SDCBP2: variants seen among roughly 807,000 people sequenced by gnomAD.
SDCBP2 encodes syndecan binding protein 2, also known as syntenin-2.
A neutral mutation model predicts 30.7 loss-of-function variants in SDCBP2; 28 were observed. The observed-to-expected ratio is 0.91, with a 90% CI of 0.68 to 1.25. The LOEUF is 1.25. Among genes scored for constraint, SDCBP2 ranks in the 50% most tolerant of loss-of-function variants. The probability of loss-of-function intolerance (pLI) is 0.00; values close to 1 mark genes in which losing one functional copy is unlikely to be tolerated. For synonymous variants in SDCBP2, 166 were observed against 157.3 expected, an observed-to-expected ratio of 1.06 and a Z score of -0.41; for missense variants, 399 against 379.0, an observed-to-expected ratio of 1.05 and a Z score of -0.44.
chr20:1,320,266 A>T lies in SDCBP2; in HGVS notation c.54+97T>A. ...TGGACACCTACATGCCCTGAGGCCTACGGGAATCTCCAAGTGGCCCCAGTA... is the reference window on the plus strand; with the variant it reads ...TGGACACCTACATGCCCTGAGGCCTTCGGGAATCTCCAAGTGGCCCCAGTA... On this transcript the variant is annotated intron_variant, in intron 2 of 8. Transcript: ENST00000360779. The surrounding 1 kb of genome is among the most constrained non-coding windows in gnomAD (Gnocchi z 4.7). 1 of 1,115,682 alleles carries T rather than the reference A, an allele frequency of 9.0e-7. No homozygotes were observed. The highest frequency in any genetic ancestry group is 1.3e-6 in the Non-Finnish European group (1 of 756,256). The allele number at this position is 1,115,682 out of a possible 1,614,324, so 69.1% of individuals were successfully genotyped here.
chr20:1,319,677 G>A lies in SDCBP2; in HGVS notation c.55-18C>T, dbSNP rs958918939. On this transcript the variant is annotated intron_variant, in intron 2 of 8. Transcript: ENST00000360779. ...ACCTGGGCCTGGGGAGGAGCAGGGA[G>A]CACTGGTCAGCTGTGGCCAGGACCC... 3 of 1,540,570 alleles carry A rather than the reference G, an allele frequency of 1.9e-6. No homozygotes were observed. The highest frequency in any genetic ancestry group is 2.0e-5 in the Admixed American group (1 of 49,002).
rs1328757964 is a variant in SDCBP2 at position 1,310,813 on chromosome 20, G to A, written c.811C>T (p.His271Tyr). 1 of 1,613,062 alleles carries A rather than the reference G, an allele frequency of 6.2e-7. No homozygotes were observed. Among genetic ancestry groups the A allele is most frequent in the East Asian group, 2.2e-5 (1 of 44,842 alleles). ...GTGCAGCCTTACTTTTTGACCATGT[G>A]CTCGTAGATCACACTGGGGATGATG... ...LTIIPSVIYE[H>Y]MVKKLPPVLL... is the part of the protein sequence containing the mutation. Residue 271 changes from histidine to tyrosine, a missense_variant, in exon 8 of 9, where the codon CAC (histidine) becomes TAC (tyrosine). Physicochemically the swap from His to Tyr is moderately conservative, Grantham distance 83. Coordinates refer to ENST00000360779, the MANE Select transcript of SDCBP2 (RefSeq NM_080489.5).
chr20:1,327,334 C>T (rs1345950695), intron 1 of SDCBP2, among the ~76,000 whole-genome samples: 1 of 152,176 alleles, frequency 6.6e-6, no homozygotes, highest in African/African-American at 2.4e-5. Flanking sequence ...CACTTTGTTC[C>T]AAAGAGCTGA....
At chr20:1,312,196 C>T in intron 7 of SDCBP2, 141 bp downstream of exon 7, 1 of 809,486 alleles carries the variant, frequency 1.2e-6, no homozygotes, top group Non-Finnish European at 1.9e-6. Flanking sequence ...CCGCACCCAG[C>T]CCTACGAACA....
chr20:1,316,398 G>GT (rs2088777031), intron 4 of SDCBP2, among the ~76,000 whole-genome samples: 1 of 152,152 alleles, frequency 6.6e-6, no homozygotes, highest in Admixed American at 6.5e-5. Flanking sequence ...TAGTTTGGCA[G>GT]TTTCTTTTTG....
chr20:1,318,318 A>G lies in SDCBP2; in HGVS notation c.225T>C (p.Ser75=). The G allele has an allele frequency of 6.2e-7, 1 of 1,608,918 alleles. No individual in the cohort carries two copies. Among genetic ancestry groups the G allele is most frequent in the Non-Finnish European group, 8.5e-7 (1 of 1,175,238 alleles). The change falls in exon 4 of 9, where the codon AGT becomes AGC. Residue 75 remains serine (S), a splice_region_variant and synonymous_variant. Coordinates refer to ENST00000360779, the MANE Select transcript of SDCBP2 (RefSeq NM_080489.5). ...ESLLQIPEGD[S]TAVSGPGPGQ... Reference sequence around the variant, plus strand: ...CAGCAGGCAGAAGCCAAATACATACACTGTCACCCTCTGGAATCTGAAGCA... The same window carrying G: ...CAGCAGGCAGAAGCCAAATACATACGCTGTCACCCTCTGGAATCTGAAGCA...
At position 1,313,482 on chromosome 20, in the gene SDCBP2, G is replaced by GGGCCCGA. The variant is rs1376404171; in HGVS notation, c.235_241dup (p.Pro81LeufsTer23). ...CGGTGCCACCATCTGGCCGGGCCCG[G>GGGCCCGA]GGCCCGAGACCGCTGTCTGCAGACA... On this transcript the variant is annotated frameshift_variant, in exon 5 of 9. Coordinates refer to ENST00000360779, the MANE Select transcript of SDCBP2 (RefSeq NM_080489.5). LOFTEE classifies it high-confidence loss of function. The surrounding 1 kb of genome is among the most constrained non-coding windows in gnomAD (Gnocchi z 5.2). 1.9e-6 allele frequency: 3 copies of GGGCCCGA among 1,592,772 alleles called. No homozygotes were observed. In the East Asian group the frequency reaches 6.8e-5, roughly 36 times the overall value.
intron 1 of SDCBP2, among the ~76,000 whole-genome samples, chr20:1,328,624 C>T (rs976498597): frequency 6.6e-6 from 1 of 152,138 alleles, no homozygotes; most frequent in African/African-American, 2.4e-5. Context: ...AGGTGAAGCC[C>T]CTGGCGCAGT....
At chr20:1,317,908 T>C (rs769331027) in intron 4 of SDCBP2, 7 of 343,062 alleles carry the variant, frequency 2.0e-5, no homozygotes, top group Admixed American at 4.1e-5. Context: ...CCCGAAGCCA[T>C]GGAAAGCAGG....
In SDCBP2 at chr20:1,310,818, T is replaced by C. The variant is rs2088654051; in HGVS notation, c.806A>G (p.Tyr269Cys). Residue 269 changes from tyrosine to cysteine, a missense_variant, in exon 8 of 9, where the codon TAC becomes TGC. Tyr to Cys is a radical substitution (Grantham distance 194). Transcript: ENST00000360779. Reference sequence around the variant, plus strand: ...GCCTTACTTTTTGACCATGTGCTCGTAGATCACACTGGGGATGATGGTCAG... The same window carrying C: ...GCCTTACTTTTTGACCATGTGCTCGCAGATCACACTGGGGATGATGGTCAG... Reference protein sequence around the residue: ...VTLTIIPSVIYEHMVKKLPPV... With the variant: ...VTLTIIPSVICEHMVKKLPPV... 4 of 1,613,376 alleles carry C rather than the reference T, an allele frequency of 2.5e-6. No homozygotes were observed. The highest frequency in any genetic ancestry group is 3.4e-6 in the Non-Finnish European group (4 of 1,179,400).
At chr20:1,317,235 C>T (rs569304561) in intron 4 of SDCBP2, among the ~76,000 whole-genome samples, 1 of 152,220 alleles carries the variant, frequency 6.6e-6, no homozygotes, top group East Asian at 1.9e-4. Flanking sequence ...ACTGTACTCG[C>T]GTAAGACTCC....
At chr20:1,328,550 C>G (rs2088966147) in intron 1 of SDCBP2, among the ~76,000 whole-genome samples, 1 of 152,176 alleles carries the variant, frequency 6.6e-6, no homozygotes, top group East Asian at 1.9e-4. Context: ...TCCAGTATGT[C>G]CTTCCATTCT....
intron 7 of SDCBP2, 83 bp downstream of exon 7, chr20:1,312,254 C>T: frequency 7.2e-7 from 1 of 1,388,952 alleles, no homozygotes; most frequent in Non-Finnish European, 9.9e-7. Context: ...GATGCTGAGG[C>T]TCAGGTGGGG....
intron 1 of SDCBP2, among the ~76,000 whole-genome samples, chr20:1,326,114 T>G (rs928170908): frequency 2.6e-5 from 4 of 152,176 alleles, no homozygotes; most frequent in Admixed American, 2.0e-4. Context: ...GACTGGGCCG[T>G]GTAGGATGGA....
intron 1 of SDCBP2, among the ~76,000 whole-genome samples, chr20:1,327,768 A>G (rs1318602282): frequency 1.3e-5 from 2 of 152,276 alleles, no homozygotes; most frequent in Non-Finnish European, 2.9e-5. Flanking sequence ...TATGGAAAGC[A>G]TTTAGCACAG....
rs1194861733 is a variant in SDCBP2 at position 1,313,669 on chromosome 20, C to A, written c.226-171G>T. On this transcript the variant is annotated intron_variant, in intron 4 of 8. Coordinates refer to ENST00000360779, the MANE Select transcript of SDCBP2 (RefSeq NM_080489.5). The surrounding 1 kb of genome is among the most constrained non-coding windows in gnomAD (Gnocchi z 5.2). Reference sequence around the variant, plus strand: ...GGGCGAGAGGAGACGTGGCTCCACGCGGCCACTAGGGGGCGTCAAAGTCCA... The same window carrying A: ...GGGCGAGAGGAGACGTGGCTCCACGAGGCCACTAGGGGGCGTCAAAGTCCA... 2.9e-6 allele frequency: 4 copies of A among 1,362,220 alleles called. No individual in the cohort carries two copies. Among genetic ancestry groups the A allele is most frequent in the African/African-American group, 3.0e-5 (2 of 66,360 alleles). 84.4% of individuals were successfully genotyped at this position (1,362,220 alleles called of 1,614,324 possible).
At chr20:1,326,536 T>C (rs1259647999) in intron 1 of SDCBP2, among the ~76,000 whole-genome samples, 2 of 152,192 alleles carry the variant, frequency 1.3e-5, no homozygotes, top group Non-Finnish European at 2.9e-5. Context: ...GTCTTAAGAG[T>C]CATTCATGCC....
intron 3 of SDCBP2, among the ~76,000 whole-genome samples, 196 bp from the exon 4 acceptor site, chr20:1,318,614 C>A (rs556396136): frequency 6.6e-6 from 1 of 152,314 alleles, no homozygotes; most frequent in East Asian, 1.9e-4. Context: ...CAGGGTAGGA[C>A]ACCGAGTCCT....
At chr20:1,327,858 A>C (rs2088952022) in intron 1 of SDCBP2, among the ~76,000 whole-genome samples, 1 of 152,276 alleles carries the variant, frequency 6.6e-6, no homozygotes, top group South Asian at 2.1e-4. Context: ...GCACCTGCTA[A>C]GTCTGAGTAC....
Sources: gnomAD v4.1 joint callset for allele counts (sites outside exome capture counted in the v4.1 genomes callset) on GRCh38, gnomAD v4.1.1 for gene constraint, Gnocchi (gnomAD v3.1) non-coding constraint, MANE v1.5 for transcripts, NCBI Gene and HGNC (gene_info 2026-07-23, HGNC 2026-07-21) for gene names.